Variants in NALF1 observed in about 807,000 individuals in gnomAD.
The protein encoded by NALF1 is NALCN channel auxiliary factor 1.
In NALF1, 3 loss-of-function variants were observed where a neutral mutation model predicts 48.4. The ratio of observed to expected loss-of-function variants is 0.06; its 90% CI spans 0.03 to 0.16. NALF1 has a LOEUF of 0.16. Ranked by LOEUF, NALF1 falls within the 10% of genes least tolerant of loss-of-function variation. NALF1 has a pLI of 1.00. For missense variants in NALF1, 526 were observed against 571.5 expected (o/e 0.92, Z 0.81); for synonymous variants, 262 against 245.7 (o/e 1.07, Z -0.62).
At chr13:107,854,268 G>A (rs562461671) in intron 1 of NALF1, among the ~76,000 whole-genome samples, 1 of 152,154 alleles carries the variant, frequency 6.6e-6, no homozygotes, top group South Asian at 2.1e-4. Context: ...TGCCATACTT[G>A]GCCAAACCTC....
intron 1 of NALF1, among the ~76,000 whole-genome samples, chr13:107,539,041 T>C (rs78888064): frequency 0.011 from 1,701 of 150,002 alleles, 58 homozygotes; most frequent in African/African-American, 0.041. Context: ...TTGGTAGGTA[T>C]ACATTAGTAA....
intron 1 of NALF1, among the ~76,000 whole-genome samples, chr13:107,458,165 G>A (rs932399913): frequency 6.6e-6 from 1 of 152,112 alleles, no homozygotes; most frequent in African/African-American, 2.4e-5. Context: ...AGAAAATAAA[G>A]AAACAGTATA....
chr13:107,644,506 CAT>C (rs1052542158), intron 1 of NALF1, among the ~76,000 whole-genome samples: 3 of 151,434 alleles, frequency 2.0e-5, no homozygotes, highest in Admixed American at 2.0e-4. Flanking sequence ...AACTTTAAAT[CAT>C]GTGCATTTTC....
At chr13:107,599,291 G>A (rs1566409352) in intron 1 of NALF1, among the ~76,000 whole-genome samples, 2 of 151,970 alleles carry the variant, frequency 1.3e-5, no homozygotes, top group South Asian at 2.1e-4. Flanking sequence ...GCGTGGTGGC[G>A]GGCATCTGTA....
chr13:107,866,767 T>C lies in NALF1; in HGVS notation c.-171A>G, dbSNP rs1880748325. 5.0e-6 allele frequency: 3 copies of C among 599,236 alleles called. No individual in the cohort carries two copies. The South Asian group carries it at 6.2e-5, about 12-fold the overall frequency. The allele number at this position is 599,236 out of a possible 1,614,324, so 37.1% of individuals were successfully genotyped here. ...CCTCTCCCTCTCTCCTCTCTCTCTC[T>C]CTCCCTCTCCCTCTCTTTTATCTCT... On this transcript the variant is annotated 5_prime_UTR_variant, in exon 1 of 3. Transcript: ENST00000375915. The surrounding 1 kb of genome is among the most constrained non-coding windows in gnomAD (Gnocchi z 4.4).
intron 1 of NALF1, among the ~76,000 whole-genome samples, chr13:107,443,160 TTATCTAACAATC>T (rs1279815825): frequency 5.5e-5 from 8 of 144,450 alleles, no homozygotes; most frequent in Non-Finnish European, 7.7e-5. Context: ...TATTATTTAT[TTATCTAACAATC>T]TATCTATCTA....
At chr13:107,856,231 A>C (rs960592283) in intron 1 of NALF1, among the ~76,000 whole-genome samples, 3 of 152,172 alleles carry the variant, frequency 2.0e-5, no homozygotes, top group African/African-American at 7.2e-5. Context: ...GTATACAATG[A>C]CTTCAGTTCT....
At chr13:107,528,179 T>G (rs1013971715) in intron 1 of NALF1, among the ~76,000 whole-genome samples, 1 of 152,130 alleles carries the variant, frequency 6.6e-6, no homozygotes, top group Non-Finnish European at 1.5e-5. Flanking sequence ...ATAATCTGCA[T>G]GTTGGTAATA....
At chr13:107,512,049 T>C (rs1412955762) in intron 1 of NALF1, among the ~76,000 whole-genome samples, 2 of 152,242 alleles carry the variant, frequency 1.3e-5, no homozygotes, top group Admixed American at 1.3e-4. Context: ...CACTTCTCTC[T>C]GGAGTTTATC....
intron 1 of NALF1, among the ~76,000 whole-genome samples, chr13:107,603,067 T>C (rs1270363470): frequency 6.6e-6 from 1 of 152,202 alleles, no homozygotes; most frequent in Non-Finnish European, 1.5e-5. Context: ...TGATTAAAAT[T>C]TCTTTTTATG....
chr13:107,833,798 T>C (rs1402611835), intron 1 of NALF1, among the ~76,000 whole-genome samples: 1 of 152,176 alleles, frequency 6.6e-6, no homozygotes, highest in Non-Finnish European at 1.5e-5. Context: ...TAACATCCTT[T>C]TACTTTTTTT....
At chr13:107,588,414 G>A (rs116207059) in intron 1 of NALF1, among the ~76,000 whole-genome samples, 72 of 152,146 alleles carry the variant, frequency 4.7e-4, no homozygotes, top group African/African-American at 1.6e-3. Context: ...AGGGAGCCCT[G>A]GGAAACCAGA....
intron 1 of NALF1, among the ~76,000 whole-genome samples, chr13:107,681,243 T>C (rs1005477788): frequency 6.6e-6 from 1 of 152,184 alleles, no homozygotes; most frequent in Admixed American, 6.5e-5. Context: ...AATAAAGAAT[T>C]TGACAGAATC....
At chr13:107,459,758 T>C (rs1322180125) in intron 1 of NALF1, among the ~76,000 whole-genome samples, 2 of 152,140 alleles carry the variant, frequency 1.3e-5, no homozygotes, top group African/African-American at 2.4e-5. Flanking sequence ...TTTATTTTCT[T>C]GAGTCAGGGT....
chr13:107,186,889 T>C (rs891963773), intron 2 of NALF1, among the ~76,000 whole-genome samples: 2 of 152,214 alleles, frequency 1.3e-5, no homozygotes, highest in Non-Finnish European at 2.9e-5. Flanking sequence ...GATTTGATTT[T>C]CCAAGCCCAT....
At position 107,265,180 on chromosome 13, in the gene NALF1, C is replaced by T. The variant is rs186933728; in HGVS notation, c.916-54425G>A. Among the ~76,000 whole-genome samples the T allele has an allele frequency of 3.4e-3, 519 of 152,282 alleles. 12 individuals carry two copies. The highest frequency in any genetic ancestry group is 2.5e-3 in the Non-Finnish European group (169 of 68,020). On this transcript the variant is annotated intron_variant, in intron 1 of 2. Transcript: ENST00000375915. ...TTTTTAATATATTTTTCACCAATTA[C>T]TCTTCTTCCATGAATTGCCTATGCA...
Position 107,865,779 on chromosome 13 carries a change from T to A in NALF1, c.818A>T (p.His273Leu). ...CTCTTCGTATTTCTCCTGAGCATGG[T>A]GGTCATAGTCCTGGTAAGCCTCGAC... ...QCVEAYQDYD[H>L]HAQEKYEEFE... The change falls in exon 1 of 3, where the codon CAC becomes CTC. Residue 273 changes from histidine (H) to leucine (L), a missense_variant. By Grantham distance (99) the His-to-Leu change is moderately conservative. Around this residue, in one of 2 missense-constraint regions of NALF1, gnomAD observed 373 missense variants for 355.5 expected, o/e 1.05. Transcript: ENST00000375915. 3 of 1,614,072 alleles carry A rather than the reference T, an allele frequency of 1.9e-6. No homozygotes were observed. The highest frequency in any genetic ancestry group is 2.5e-6 in the Non-Finnish European group (3 of 1,180,026).
At chr13:107,426,673 G>T (rs527251481) in intron 1 of NALF1, among the ~76,000 whole-genome samples, 1 of 152,074 alleles carries the variant, frequency 6.6e-6, no homozygotes. Flanking sequence ...TATATAAATA[G>T]GTCCTAGTCT....
At chr13:107,384,334 T>C (rs553770556) in intron 1 of NALF1, among the ~76,000 whole-genome samples, 4 of 152,112 alleles carry the variant, frequency 2.6e-5, no homozygotes, top group Non-Finnish European at 5.9e-5. Flanking sequence ...ACATCTAACC[T>C]CTAATGTCCA....
Sources: allele counts gnomAD v4.1 joint callset (sites outside exome capture counted in the v4.1 genomes callset), GRCh38; gene constraint gnomAD v4.1.1; regional missense constraint gnomAD v4.1.1; non-coding constraint Gnocchi (gnomAD v3.1); transcripts MANE v1.5; gene names NCBI Gene and HGNC (gene_info 2026-07-23, HGNC 2026-07-21).